The following CLMP variants were observed in gnomAD, a reference collection of about 807,000 sequenced individuals.
The protein encoded by CLMP is CXADR like cell adhesion molecule, also known as CXADR-like membrane protein.
A neutral mutation model predicts 45.2 loss-of-function variants in CLMP; 27 were observed. The observed-to-expected ratio is 0.60, with a 90% CI of 0.44 to 0.82. The LOEUF is 0.82. Among genes scored for constraint, CLMP ranks in the 40% least tolerant of loss-of-function variants. The pLI is 0.00. For missense variants in CLMP, 403 were observed against 448.4 expected, an observed-to-expected ratio of 0.90 and a Z score of 0.91; for synonymous variants, 167 against 171.4, an observed-to-expected ratio of 0.97 and a Z score of 0.20.
intron 1 of CLMP, among the ~76,000 whole-genome samples, chr11:123,114,472 C>CTT (rs768261705): frequency 1.7e-3 from 209 of 125,386 alleles, no homozygotes; most frequent in African/African-American, 5.0e-3. Context: ...TCCTTCCTTC[C>CTT]TTTTTTTTTT....
intron 1 of CLMP, among the ~76,000 whole-genome samples, chr11:123,124,810 T>C: frequency 6.6e-6 from 1 of 152,300 alleles, no homozygotes; most frequent in Admixed American, 6.5e-5. Flanking sequence ...GTAATCAATA[T>C]TTTCTTGGAG....
At chr11:123,144,441 G>A (rs1033225385) in intron 1 of CLMP, among the ~76,000 whole-genome samples, 3 of 152,248 alleles carry the variant, frequency 2.0e-5, no homozygotes, top group African/African-American at 4.8e-5. Context: ...GTGCAATCTC[G>A]GCTCACTGCA....
chr11:123,085,753 C>T (rs932428329), intron 2 of CLMP, among the ~76,000 whole-genome samples: 13 of 150,296 alleles, frequency 8.6e-5, no homozygotes, highest in South Asian at 6.3e-4. Flanking sequence ...TTCACTAAGC[C>T]GAACTAATTT....
intron 1 of CLMP, among the ~76,000 whole-genome samples, chr11:123,192,568 C>T (rs769591845): frequency 3.9e-5 from 6 of 152,126 alleles, no homozygotes; most frequent in East Asian, 1.9e-4. Context: ...AGGGCCGGAA[C>T]GTTACGGGAG....
chr11:123,188,143 C>T (rs1186349621), intron 1 of CLMP, among the ~76,000 whole-genome samples: 1 of 152,160 alleles, frequency 6.6e-6, no homozygotes, highest in Non-Finnish European at 1.5e-5. Flanking sequence ...AGAAAGGGTG[C>T]CTTTTGTACG....
At chr11:123,137,241 C>T (rs1861089166) in intron 1 of CLMP, among the ~76,000 whole-genome samples, 2 of 148,332 alleles carry the variant, frequency 1.3e-5, no homozygotes, top group African/African-American at 2.5e-5. Flanking sequence ...GCAAGCTCCG[C>T]CTCCCGGGTT....
At chr11:123,134,832 C>A (rs571694191) in intron 1 of CLMP, among the ~76,000 whole-genome samples, 1 of 151,838 alleles carries the variant, frequency 6.6e-6, no homozygotes, top group African/African-American at 2.4e-5. Context: ...TGCTCTCTAG[C>A]ACGTGAGCTT....
chr11:123,110,877 A>C (rs2135490969), intron 1 of CLMP, among the ~76,000 whole-genome samples: 1 of 152,338 alleles, frequency 6.6e-6, no homozygotes, highest in South Asian at 2.1e-4. Flanking sequence ...TCTACTGTTT[A>C]GTGAGTTTTC....
chr11:123,098,156 C>A (rs1866012281), intron 1 of CLMP, among the ~76,000 whole-genome samples: 1 of 152,288 alleles, frequency 6.6e-6, no homozygotes, highest in Admixed American at 6.5e-5. Flanking sequence ...TCTTTAACCA[C>A]CCCAAATTAC....
chr11:123,166,909 T>C (rs1165160665), intron 1 of CLMP, among the ~76,000 whole-genome samples: 5 of 152,102 alleles, frequency 3.3e-5, no homozygotes, highest in Non-Finnish European at 5.9e-5. Context: ...ATATGTACAA[T>C]TATTACGTGT....
Position 123,073,589 on chromosome 11 carries a change from A to C in CLMP, c.1007T>G (p.Val336Gly). The change falls in exon 7 of 7, where the codon GTG (valine) becomes GGG (glycine). Residue 336 changes from valine to glycine, a missense_variant. Physicochemically the swap from Val to Gly is moderately radical, Grantham distance 109 (BLOSUM62 -3). Coordinates refer to ENST00000448775, the MANE Select transcript of CLMP (RefSeq NM_024769.5). ...PGLATQAYSLVGPEVRGSEPK... is the reference protein window; with the variant it reads ...PGLATQAYSLGGPEVRGSEPK... The stretch of plus-strand genomic sequence containing the variant: ...TTCAGAACCTCTCACCTCTGGCCCC[A>C]CTAGGCTGTATGCCTGGGTGGCCAG... The C allele has an allele frequency of 6.2e-7, 1 of 1,614,236 alleles. No homozygotes were observed. The highest frequency in any genetic ancestry group is 1.1e-5 in the South Asian group (1 of 91,082).
chr11:123,142,609 T>TGGATGAG (rs1861176527), intron 1 of CLMP, among the ~76,000 whole-genome samples: 1 of 147,470 alleles, frequency 6.8e-6, no homozygotes, highest in Non-Finnish European at 1.5e-5. Context: ...GGTTCTTGGC[T>TGGATGAG]GGATGAGGTT....
intron 1 of CLMP, among the ~76,000 whole-genome samples, chr11:123,163,175 A>G (rs960791872): frequency 1.3e-5 from 2 of 152,162 alleles, no homozygotes; most frequent in Admixed American, 6.5e-5. Context: ...GGATAAATCA[A>G]TGGGAATCCT....
chr11:123,107,118 T>C (rs934672108), intron 1 of CLMP, among the ~76,000 whole-genome samples: 1 of 151,556 alleles, frequency 6.6e-6, no homozygotes, highest in Non-Finnish European at 1.5e-5. Context: ...TGGAGTGCAG[T>C]GGCACAATCA....
chr11:123,094,342 A>C (rs1298138110), intron 2 of CLMP, among the ~76,000 whole-genome samples: 3 of 152,098 alleles, frequency 2.0e-5, no homozygotes, highest in Non-Finnish European at 4.4e-5. Context: ...CCTGAGCTCA[A>C]GTGGACCTCC....
chr11:123,100,123 C>A (rs546350658), intron 1 of CLMP, among the ~76,000 whole-genome samples: 100 of 152,282 alleles, frequency 6.6e-4, no homozygotes, highest in Middle Eastern at 3.4e-3. Context: ...GTAATCCCAG[C>A]ACTTTGGGAG....
intron 1 of CLMP, among the ~76,000 whole-genome samples, chr11:123,109,300 G>A (rs1055538170): frequency 1.3e-5 from 2 of 152,114 alleles, no homozygotes; most frequent in African/African-American, 4.8e-5. Flanking sequence ...ATTTAACAAT[G>A]AACAATTAAC....
At chr11:123,092,400 C>T (rs566277745) in intron 2 of CLMP, among the ~76,000 whole-genome samples, 10 of 151,970 alleles carry the variant, frequency 6.6e-5, no homozygotes, top group Non-Finnish European at 1.3e-4. Flanking sequence ...CGGGTTCAAG[C>T]GATTCTTCTG....
At chr11:123,187,869 T>C (rs946154142) in intron 1 of CLMP, among the ~76,000 whole-genome samples, 3 of 152,180 alleles carry the variant, frequency 2.0e-5, no homozygotes, top group Non-Finnish European at 4.4e-5. Context: ...TTTCTGACGC[T>C]GATGGGTGAT....
Sources: gnomAD v4.1 joint callset for allele counts (sites outside exome capture counted in the v4.1 genomes callset) on GRCh38, gnomAD v4.1.1 for gene constraint, MANE v1.5 for transcripts, NCBI Gene and HGNC (gene_info 2026-07-23, HGNC 2026-07-21) for gene names.